NOS1: variants seen among roughly 807,000 people sequenced by gnomAD.
NOS1 encodes nitric oxide synthase 1.
NOS1 carries 51 observed loss-of-function variants against 164.5 expected under a neutral mutation model. The ratio of observed to expected loss-of-function variants is 0.31; its 90% confidence interval spans 0.25 to 0.39. The LOEUF (loss-of-function observed/expected upper bound fraction) is 0.39. Ranked by LOEUF, NOS1 falls within the 10% of genes least tolerant of loss-of-function variation. The pLI is 1.00. For missense variants in NOS1, 1,362 were observed against 1,885.6 expected (o/e 0.72, Z 5.14); for synonymous variants, 719 against 745.8 (o/e 0.96, Z 0.59).
chr12:117,292,543 T>A (rs914983179), intron 3 of NOS1, among the ~76,000 whole-genome samples: 1 of 152,134 alleles, frequency 6.6e-6, no homozygotes, highest in Admixed American at 6.5e-5. Flanking sequence ...AAGACTAACA[T>A]TAAATGAGCA....
intron 3 of NOS1, chr12:117,301,967 G>C (rs1350750931): frequency 2.2e-6 from 1 of 456,556 alleles, no homozygotes; most frequent in African/African-American, 2.0e-5. Context: ...CCTGTAGAGT[G>C]GGCTCAGGGC....
At chr12:117,317,464 C>A (rs1238723328) in intron 2 of NOS1, among the ~76,000 whole-genome samples, 1 of 148,728 alleles carries the variant, frequency 6.7e-6, no homozygotes, top group South Asian at 2.2e-4. Context: ...ATGCCAGTAG[C>A]ACCCCTATCC....
chr12:117,284,852 C>G (rs895108126), intron 7 of NOS1, among the ~76,000 whole-genome samples: 2 of 151,804 alleles, frequency 1.3e-5, no homozygotes, highest in Non-Finnish European at 2.9e-5. Flanking sequence ...GAGTTTGAGA[C>G]CAGCATGGTC....
At chr12:117,244,536 G>A (rs1870466560) in intron 18 of NOS1, among the ~76,000 whole-genome samples, 1 of 152,216 alleles carries the variant, frequency 6.6e-6, no homozygotes, top group Non-Finnish European at 1.5e-5. Context: ...ACCATGCCCA[G>A]CCAATGTCCT....
chr12:117,302,594 CAAA>C (rs144113071), intron 3 of NOS1, among the ~76,000 whole-genome samples: 99 of 72,920 alleles, frequency 1.4e-3, no homozygotes, highest in African/African-American at 4.4e-3. Context: ...GACTCCGTCT[CAAA>C]AAAAAAAAAA....
intron 20 of NOS1, among the ~76,000 whole-genome samples, chr12:117,235,933 C>T (rs1207235463): frequency 1.3e-5 from 2 of 152,200 alleles, no homozygotes; most frequent in Admixed American, 6.5e-5. Context: ...ATCCCAGCTA[C>T]TTGGGAGGCT....
intron 2 of NOS1, among the ~76,000 whole-genome samples, chr12:117,324,420 A>G (rs1875137980): frequency 6.6e-6 from 1 of 152,104 alleles, no homozygotes; most frequent in South Asian, 2.1e-4. Context: ...ATATTCTCTT[A>G]CACGCAGCAT....
At chr12:117,237,548 C>T (rs1353939) in intron 20 of NOS1, among the ~76,000 whole-genome samples, 31,584 of 151,952 alleles carry the variant, frequency 0.21, 3,477 homozygotes, top group Middle Eastern at 0.34. Flanking sequence ...CTTCTCCCCC[C>T]GAGTGTCCCC....
chr12:117,334,135 A>T (rs959870663), intron 1 of NOS1, among the ~76,000 whole-genome samples: 4 of 152,156 alleles, frequency 2.6e-5, no homozygotes, highest in Non-Finnish European at 5.9e-5. Context: ...GAAATGAAGC[A>T]ATTGGCAACA....
At position 117,240,397 on chromosome 12, in the gene NOS1, G is replaced by A. The variant is rs538957326; in HGVS notation, c.3041+2230C>T. ...GAAAGCACACACACTAAATTTGCAG[G>A]TGACATGAAGCAGGGATGGATAAGG... On this transcript the variant is annotated intron_variant, in intron 20 of 28. Coordinates refer to ENST00000317775, the MANE Select transcript of NOS1 (RefSeq NM_000620.5). 7.2e-5 allele frequency among the ~76,000 whole-genome samples: 11 copies of A among 152,294 alleles called. No individual in the cohort carries two copies. In the East Asian group the frequency reaches 1.7e-3, roughly 24 times the overall value.
intron 1 of NOS1, among the ~76,000 whole-genome samples, chr12:117,353,128 C>T (rs1226414230): frequency 6.6e-6 from 1 of 151,998 alleles, no homozygotes; most frequent in African/African-American, 2.4e-5. Flanking sequence ...ATTCATGTAC[C>T]TATCTATCTA....
chr12:117,331,234 T>A lies in NOS1; in HGVS notation c.-165A>T. ...CTCTGTCTTTGACGTCAGCTCAGCGTCACCCACTCATGGCTGGTGGCCCGT... is the reference window on the plus strand; with the variant it reads ...CTCTGTCTTTGACGTCAGCTCAGCGACACCCACTCATGGCTGGTGGCCCGT... On this transcript the variant is annotated 5_prime_UTR_variant, in exon 2 of 29. It removes the in-frame stop codon of an upstream open reading frame in the 5' UTR. Coordinates refer to ENST00000317775, the MANE Select transcript of NOS1 (RefSeq NM_000620.5). 1.2e-6 allele frequency: 1 copy of A among 805,340 alleles called. No homozygotes were observed. The highest frequency in any genetic ancestry group is 1.9e-6 in the Non-Finnish European group (1 of 521,042). 49.9% of individuals were successfully genotyped at this position (805,340 alleles called of 1,614,324 possible).
Position 117,209,414 on chromosome 12 carries a change from C to T in NOS1, c.*5895G>A, listed in dbSNP as rs970541565. On this transcript the variant is annotated 3_prime_UTR_variant, in exon 29 of 29. Transcript: ENST00000317775. The stretch of plus-strand genomic sequence containing the variant: ...AGTGCTAAGGTTGACAGACCCTGCG[C>T]TACAGTCTCCTAGAACTTAGGAGTC... 1.0e-6 allele frequency: 1 copy of T among 985,346 alleles called. No homozygotes were observed. Among genetic ancestry groups the T allele is most frequent in the African/African-American group, 1.7e-5 (1 of 57,252 alleles). The allele number at this position is 985,346 out of a possible 1,614,324, so 61.0% of individuals were successfully genotyped here.
At chr12:117,231,359 T>C (rs1869212337) in intron 22 of NOS1, among the ~76,000 whole-genome samples, 1 of 151,704 alleles carries the variant, frequency 6.6e-6, no homozygotes, top group Admixed American at 6.6e-5. Flanking sequence ...TTCCTAGATC[T>C]AGACAAGGTG....
At chr12:117,262,898 C>A (rs1872055082) in intron 13 of NOS1, among the ~76,000 whole-genome samples, 1 of 152,046 alleles carries the variant, frequency 6.6e-6, no homozygotes, top group Non-Finnish European at 1.5e-5. Flanking sequence ...AGGCCATAAC[C>A]CCCTTCCTTC....
chr12:117,234,756 C>T lies in NOS1; in HGVS notation c.3044G>A (p.Arg1015Gln). 1.2e-6 allele frequency: 2 copies of T among 1,606,404 alleles called. No individual in the cohort carries two copies. The highest frequency in any genetic ancestry group is 1.7e-6 in the Non-Finnish European group (2 of 1,174,256). Residue 1015 changes from arginine to glutamine, a missense_variant and splice_region_variant, in exon 21 of 29, where the codon CGG becomes CAG. By Grantham distance (43) the Arg-to-Gln change is conservative. Around this residue, in one of 4 missense-constraint regions of NOS1, gnomAD observed 737 missense variants for 1,030.3 expected, o/e 0.72. Transcript: ENST00000317775. The surrounding 1 kb of genome is among the most constrained non-coding windows in gnomAD (Gnocchi z 4.3). ...GTGGAGACGCACGAAGATAGTTGAC[C>T]GACTGCAGGAAATTGCAGAGGAATC... is the stretch of plus-strand genomic sequence containing the variant. Reference protein sequence around the residue: ...RQNLQSPKSSRSTIFVRLHTN... With the variant: ...RQNLQSPKSSQSTIFVRLHTN...
At position 117,260,464 on chromosome 12, in the gene NOS1, C is replaced by G; in HGVS notation, c.2367+1G>C. ...TGGAGCTAGGGCTACCCCCCACCTA[C>G]CTTGGCATCAAAGGCGTGTTTGAAG... On this transcript the variant is annotated splice_donor_variant, in intron 14 of 28. Coordinates refer to ENST00000317775, the MANE Select transcript of NOS1 (RefSeq NM_000620.5). LOFTEE classifies it high-confidence loss of function. 1 of 1,613,448 alleles carries G rather than the reference C, an allele frequency of 6.2e-7. No individual in the cohort carries two copies. Among genetic ancestry groups the G allele is most frequent in the East Asian group, 2.2e-5 (1 of 44,856 alleles).
At chr12:117,298,952 C>A (rs776833091) in intron 3 of NOS1, among the ~76,000 whole-genome samples, 4 of 152,268 alleles carry the variant, frequency 2.6e-5, no homozygotes, top group Non-Finnish European at 4.4e-5. Context: ...CCAGTGACAG[C>A]TCCTCTATTA....
Position 117,330,531 on chromosome 12 carries a change from G to T in NOS1, c.539C>A (p.Pro180His). 1 of 1,613,902 alleles carries T rather than the reference G, an allele frequency of 6.2e-7. No homozygotes were observed. The change falls in exon 2 of 29, where the codon CCC becomes CAC. Residue 180 changes from proline to histidine, a missense_variant. Around this residue, in one of 4 missense-constraint regions of NOS1, gnomAD observed 362 missense variants for 402.0 expected, o/e 0.90. Transcript: ENST00000317775. This position sits in a 1 kb window ranked among gnomAD's most constrained non-coding sequence, Gnocchi z 4.6. ...CGCGGGGTCCTGGCCTGGGGGCCTG[G>T]GGGCCAGGCCGTTGGCATGGGGGAG... ...GSLPHANGLA[P>H]RPPGQDPAKK...
Sources: allele counts gnomAD v4.1 joint callset (sites outside exome capture counted in the v4.1 genomes callset), GRCh38; gene constraint gnomAD v4.1.1; regional missense constraint gnomAD v4.1.1; non-coding constraint Gnocchi (gnomAD v3.1); transcripts MANE v1.5; gene names NCBI Gene and HGNC (gene_info 2026-07-23, HGNC 2026-07-21).